The following BIRC6 variants were observed in gnomAD, a reference collection of about 807,000 sequenced individuals.
BIRC6 encodes the protein dual E2 ubiquitin-conjugating enzyme/E3 ubiquitin-protein ligase BIRC6.
Under a neutral mutation model 503.3 loss-of-function variants are expected in BIRC6, and 98 were observed. The observed-to-expected ratio is 0.19, with a 90% CI of 0.17 to 0.23. The LOEUF is 0.23. Among genes scored for constraint, BIRC6 ranks in the 10% least tolerant of loss-of-function variants. The pLI, the probability that BIRC6 is intolerant of heterozygous loss-of-function variation, is 1.00. For synonymous variants in BIRC6, 2,240 were observed against 2,078.7 expected (o/e 1.08, Z -2.11); for missense variants, 5,360 against 5,806.0 (o/e 0.92, Z 2.50).
chr2:32,396,703 A>G lies in BIRC6; in HGVS notation c.1034+1110A>G, dbSNP rs1435744781. Among the ~76,000 whole-genome samples, 6 of 152,216 alleles carry G rather than the reference A, an allele frequency of 3.9e-5. No homozygotes were observed. In the South Asian group the frequency reaches 1.2e-3, roughly 31 times the overall value. ...ATAAATTAAGCACAGAAAGAGATTA[A>G]TAACAATAACTAATAAAATTGAACA... On this transcript the variant is annotated intron_variant, in intron 6 of 73. Transcript: ENST00000421745.
chr2:32,537,919 A>G (rs887216700), intron 61 of BIRC6, among the ~76,000 whole-genome samples: 5 of 152,040 alleles, frequency 3.3e-5, no homozygotes, highest in Admixed American at 6.5e-5. Context: ...GTGAGCCAAG[A>G]TCGCACCACT....
At chr2:32,576,445 G>A (rs1483474600) in intron 66 of BIRC6, among the ~76,000 whole-genome samples, 4 of 152,174 alleles carry the variant, frequency 2.6e-5, no homozygotes, top group Admixed American at 6.5e-5. Context: ...TTCAGTGGTT[G>A]TCAGTTTATT....
At chr2:32,422,240 C>G (rs540664778) in intron 10 of BIRC6, among the ~76,000 whole-genome samples, 183 of 152,262 alleles carry the variant, frequency 1.2e-3, no homozygotes, top group African/African-American at 3.2e-3. Context: ...AGTTGGATAA[C>G]CTGTACCTTT....
At chr2:32,443,419 C>A in intron 19 of BIRC6, 72 bp from the exon 20 acceptor site, 1 of 1,013,930 alleles carries the variant, frequency 9.9e-7, no homozygotes, top group East Asian at 2.6e-5. Context: ...TTTTAGGTAC[C>A]ACACCAGGTT....
At chr2:32,487,931 T>C in intron 41 of BIRC6, 130 bp downstream of exon 41, 1 of 725,866 alleles carries the variant, frequency 1.4e-6, no homozygotes, top group East Asian at 2.7e-5. Context: ...GGAAAAATAT[T>C]AGAAATACTT....
chr2:32,401,351 A>G lies in BIRC6; in HGVS notation c.1223A>G (p.Lys408Arg). The change falls in exon 7 of 74, where the codon AAG (lysine) becomes AGG (arginine). Residue 408 changes from lysine to arginine, a missense_variant. Lys to Arg is a conservative substitution (Grantham distance 26, BLOSUM62 2). Around this residue, in one of 16 missense-constraint regions of BIRC6, gnomAD observed 92 missense variants for 176.7 expected, o/e 0.52. Transcript: ENST00000421745. ...CTAGCTGCTGCAACTAAACGAGGAAAGATCTGCATATGGGATGTTTCCAAA... is the reference window on the plus strand; with the variant it reads ...CTAGCTGCTGCAACTAAACGAGGAAGGATCTGCATATGGGATGTTTCCAAA... ...HFLAAATKRG[K>R]ICIWDVSKLM... The G allele has an allele frequency of 6.2e-7, 1 of 1,614,070 alleles. No homozygotes were observed. The highest frequency in any genetic ancestry group is 8.5e-7 in the Non-Finnish European group (1 of 1,179,904).
Position 32,499,983 on chromosome 2 carries a change from A to G in BIRC6, c.8905A>G (p.Ser2969Gly), listed in dbSNP as rs1218130501. The change falls in exon 46 of 74, where the codon AGC (serine) becomes GGC (glycine). Residue 2969 changes from serine to glycine, a missense_variant. Physicochemically the swap from Ser to Gly is moderately conservative, Grantham distance 56. Around this residue, in one of 16 missense-constraint regions of BIRC6, gnomAD observed 2,299 missense variants for 2,267.2 expected, o/e 1.01. Coordinates refer to ENST00000421745, the MANE Select transcript of BIRC6 (RefSeq NM_016252.4). Reference sequence around the variant, plus strand: ...CTCAGGAGGCAAAGATGGCAATGGAAGCAGTACCAGTGTTCAAGGATCGCC... The same window carrying G: ...CTCAGGAGGCAAAGATGGCAATGGAGGCAGTACCAGTGTTCAAGGATCGCC... ...KVSGGKDGNG[S>G]STSVQGSPAY... 1.2e-6 allele frequency: 2 copies of G among 1,614,042 alleles called. No individual in the cohort carries two copies. Among genetic ancestry groups the G allele is most frequent in the Non-Finnish European group, 1.7e-6 (2 of 1,179,888 alleles).
chr2:32,396,219 A>T (rs1326931225), intron 6 of BIRC6, among the ~76,000 whole-genome samples: 4 of 152,334 alleles, frequency 2.6e-5, no homozygotes, highest in Admixed American at 2.0e-4. Flanking sequence ...GTACTATTGT[A>T]ATCTCCATTT....
chr2:32,446,738 G>GTTTTTTTTTTTTTT (rs58232090), intron 21 of BIRC6, among the ~76,000 whole-genome samples: 8 of 34,856 alleles, frequency 2.3e-4, no homozygotes, highest in African/African-American at 3.7e-4. Flanking sequence ...CCTCTGCGCT[G>GTTTTTTTTTTTTTT]TTTTTTTTTT....
Position 32,499,756 on chromosome 2 carries a change from T to C in BIRC6, c.8678T>C (p.Phe2893Ser). ...SDSSVGARAC[F>S]GGLFANLIRP... ...AGCTCCGTGGGTGCTCGAGCATGCT[T>C]TGGGGGACTCTTTGCCAATCTTATT... The change falls in exon 46 of 74, where the codon TTT (phenylalanine) becomes TCT (serine). Residue 2893 changes from phenylalanine to serine, a missense_variant. Coordinates refer to ENST00000421745, the MANE Select transcript of BIRC6 (RefSeq NM_016252.4). The C allele has an allele frequency of 6.2e-7, 1 of 1,613,962 alleles. No homozygotes were observed. Among genetic ancestry groups the C allele is most frequent in the Non-Finnish European group, 8.5e-7 (1 of 1,179,844 alleles).
chr2:32,425,711 G>C lies in BIRC6; in HGVS notation c.2873-3435G>C, dbSNP rs369932613. Among the ~76,000 whole-genome samples, 5 of 152,066 alleles carry C rather than the reference G, an allele frequency of 3.3e-5. No individual in the cohort carries two copies. In the East Asian group the frequency reaches 7.7e-4, roughly 23 times the overall value. Reference sequence around the variant, plus strand: ...TAAATCTTCCTGTAGATCCTGTTTCGGCTTTGTCCCCTTAAATCTTCTGGT... The same window carrying C: ...TAAATCTTCCTGTAGATCCTGTTTCCGCTTTGTCCCCTTAAATCTTCTGGT... On this transcript the variant is annotated intron_variant, in intron 10 of 73. Coordinates refer to ENST00000421745, the MANE Select transcript of BIRC6 (RefSeq NM_016252.4).
At chr2:32,457,511 T>G (rs2047382756) in intron 23 of BIRC6, among the ~76,000 whole-genome samples, 2 of 152,174 alleles carry the variant, frequency 1.3e-5, no homozygotes, top group African/African-American at 4.8e-5. Flanking sequence ...GATCACAGTA[T>G]GTACTCTGAT....
Position 32,473,336 on chromosome 2 carries a change from T to G in BIRC6, c.6720+97T>G, listed in dbSNP as rs1374792934. 5.0e-6 allele frequency: 5 copies of G among 990,148 alleles called. No individual in the cohort carries two copies. In the East Asian group the frequency reaches 1.4e-4, roughly 27 times the overall value. 61.3% of individuals were successfully genotyped at this position (990,148 alleles called of 1,614,324 possible). A position where few individuals can be genotyped will look rare whatever the true frequency, so the allele number is the denominator to read the frequency against. On this transcript the variant is annotated intron_variant, in intron 33 of 73. Transcript: ENST00000421745. ...GCCATCAGATGTGAGGTATAACATT[T>G]AATGGGCTCTTAGCTTAGGAAAATC...
intron 45 of BIRC6, among the ~76,000 whole-genome samples, chr2:32,498,162 C>T (rs1372505521): frequency 3.3e-5 from 5 of 152,040 alleles, no homozygotes; most frequent in African/African-American, 9.7e-5. Flanking sequence ...TCTGGGTTCA[C>T]GTGATTTTCG....
intron 22 of BIRC6, among the ~76,000 whole-genome samples, chr2:32,449,936 C>T (rs576470972): frequency 6.6e-6 from 1 of 152,292 alleles, no homozygotes; most frequent in African/African-American, 2.4e-5. Context: ...CTCTTGATTG[C>T]CTTACACGCA....
chr2:32,572,283 C>A (rs779545425), intron 65 of BIRC6, among the ~76,000 whole-genome samples: 1 of 152,166 alleles, frequency 6.6e-6, no homozygotes, highest in Non-Finnish European at 1.5e-5. Flanking sequence ...TGTTAATTTT[C>A]TGTCTCAATT....
chr2:32,431,127 A>G (rs370478537), intron 12 of BIRC6, 37 bp downstream of exon 12: 5 of 1,335,176 alleles, frequency 3.7e-6, no homozygotes, highest in Middle Eastern at 3.9e-4. Flanking sequence ...TTTTAAGTCC[A>G]TCTTGTGTAT....
intron 23 of BIRC6, among the ~76,000 whole-genome samples, chr2:32,460,143 TTATATTA>T (rs1243289926): frequency 2.5e-5 from 3 of 119,204 alleles, no homozygotes; most frequent in Admixed American, 8.7e-5. Flanking sequence ...CATATATGTA[TTATATTA>T]TATATATGAT....
intron 10 of BIRC6, among the ~76,000 whole-genome samples, chr2:32,422,182 T>G (rs913408510): frequency 1.1e-4 from 16 of 152,358 alleles, no homozygotes; most frequent in Admixed American, 9.8e-4. Context: ...ATTTTGAATC[T>G]GAAGTGGGTC....
Sources: allele counts gnomAD v4.1 joint callset (sites outside exome capture counted in the v4.1 genomes callset), GRCh38; gene constraint gnomAD v4.1.1; regional missense constraint gnomAD v4.1.1; transcripts MANE v1.5; gene names NCBI Gene and HGNC (gene_info 2026-07-23, HGNC 2026-07-21).